The following DACH2 variants were observed in gnomAD, a reference collection of about 807,000 sequenced individuals.
DACH2 encodes the protein dachshund homolog 2.
DACH2 carries 17 observed loss-of-function variants against 35.8 expected under a neutral mutation model. That is an observed-to-expected ratio of 0.48 (90% confidence interval 0.33 to 0.71). The LOEUF is 0.71. Among genes scored for constraint, DACH2 ranks in the 30% least tolerant of loss-of-function variants. The pLI is 0.02. For missense variants in DACH2, 469 were observed against 472.7 expected, an observed-to-expected ratio of 0.99 and a Z score of 0.07; for synonymous variants, 195 against 177.3, an observed-to-expected ratio of 1.10 and a Z score of -0.79.
rs1421323187 is a variant in DACH2 at position 86,317,944 on chromosome X, G to A, written c.489-58880G>A. 2.7e-5 allele frequency among the ~76,000 whole-genome samples: 3 copies of A among 111,678 alleles called. No homozygotes were observed. The East Asian group carries it at 8.5e-4, about 32-fold the overall frequency. Reference sequence around the variant, plus strand: ...TCCCCAAGGGGCTTTTATTGGCTTTGCAAGTCAAGCTTGACTCCTTAAAGG... The same window carrying A: ...TCCCCAAGGGGCTTTTATTGGCTTTACAAGTCAAGCTTGACTCCTTAAAGG... On this transcript the variant is annotated intron_variant, in intron 1 of 11. Transcript: ENST00000373125.
intron 3 of DACH2, among the ~76,000 whole-genome samples, chrX:86,599,491 T>TTTCTTTCG (rs1556333827): frequency 2.0e-4 from 19 of 96,485 alleles, no homozygotes; most frequent in African/African-American, 7.0e-4. Context: ...TCTTTCTTTC[T>TTTCTTTCG]TTCTTTCTTT....
intron 1 of DACH2, among the ~76,000 whole-genome samples, chrX:86,316,103 T>G (rs139920073): frequency 4.6e-4 from 48 of 103,506 alleles, no homozygotes; most frequent in African/African-American, 1.6e-3. Context: ...CAGTCTGTCC[T>G]GCTCTGTGCT....
At chrX:86,638,565 T>TA (rs1276010315) in intron 3 of DACH2, among the ~76,000 whole-genome samples, 4 of 108,801 alleles carry the variant, frequency 3.7e-5, no homozygotes, top group Non-Finnish European at 5.7e-5. Context: ...CAACAACAAA[T>TA]AAAAAAAAGA....
chrX:86,326,344 G>A (rs931462828), intron 1 of DACH2, among the ~76,000 whole-genome samples: 2 of 109,631 alleles, frequency 1.8e-5, no homozygotes, highest in Non-Finnish European at 3.8e-5. Context: ...GCAGCCACCT[G>A]TAATTTCAGC....
rs761876891 is a variant in DACH2 at position 86,168,945 on chromosome X, G to C, written c.488+19837G>C. Reference sequence around the variant, plus strand: ...TAGTAGTTTACACACCACATTTACAGTGTTACAATATTCTGTGTTTTTTTG... The same window carrying C: ...TAGTAGTTTACACACCACATTTACACTGTTACAATATTCTGTGTTTTTTTG... On this transcript the variant is annotated intron_variant, in intron 1 of 11. Transcript: ENST00000373125. Among the ~76,000 whole-genome samples the C allele has an allele frequency of 7.2e-5, 8 of 111,532 alleles. No individual in the cohort carries two copies. In the Admixed American group the frequency reaches 7.6e-4, roughly 11 times the overall value.
At chrX:86,756,240 G>A (rs985250115) in intron 7 of DACH2, among the ~76,000 whole-genome samples, 2 of 111,117 alleles carry the variant, frequency 1.8e-5, no homozygotes, top group African/African-American at 3.3e-5. Context: ...GATTCCATAC[G>A]AATTTTAGAA....
At chrX:86,332,784 C>T (rs1569352842) in intron 1 of DACH2, among the ~76,000 whole-genome samples, 1 of 111,674 alleles carries the variant, frequency 9.0e-6, no homozygotes, top group East Asian at 2.8e-4. Context: ...GCTAAAATTC[C>T]ATAATTCAAG....
intron 4 of DACH2, among the ~76,000 whole-genome samples, chrX:86,685,263 C>T (rs1400529432): frequency 8.9e-6 from 1 of 111,821 alleles, no homozygotes; most frequent in East Asian, 2.8e-4. Context: ...AAGTCTAGGG[C>T]TGCCAATGGC....
At chrX:86,465,759 T>G (rs2148215817) in intron 2 of DACH2, among the ~76,000 whole-genome samples, 1 of 112,223 alleles carries the variant, frequency 8.9e-6, no homozygotes, top group South Asian at 3.7e-4. Flanking sequence ...TATAGTAGAT[T>G]ACAAATATGG....
intron 1 of DACH2, among the ~76,000 whole-genome samples, chrX:86,335,266 AT>A (rs770553774): frequency 1.9e-4 from 21 of 110,128 alleles, no homozygotes; most frequent in Middle Eastern, 4.6e-3. Context: ...AATTTAAAGT[AT>A]TTTTTTTTCT....
At chrX:86,798,841 A>G (rs1483783387) in intron 7 of DACH2, 1 of 133,796 alleles carries the variant, frequency 7.5e-6, no homozygotes, top group East Asian at 2.6e-4. Flanking sequence ...ATCATCAACG[A>G]TTATTGAGAT....
chrX:86,356,782 GCTGT>G (rs2035650610), intron 1 of DACH2, among the ~76,000 whole-genome samples: 1 of 111,345 alleles, frequency 9.0e-6, no homozygotes, highest in Non-Finnish European at 1.9e-5. Flanking sequence ...ATTTTTTCAA[GCTGT>G]CTTTTTACTT....
At chrX:86,622,945 T>C (rs2040086197) in intron 3 of DACH2, among the ~76,000 whole-genome samples, 1 of 111,727 alleles carries the variant, frequency 9.0e-6, no homozygotes, top group African/African-American at 3.2e-5. Flanking sequence ...TGTTTGTGAG[T>C]ACTATTAACA....
chrX:86,803,046 C>T (rs909817345), intron 7 of DACH2, among the ~76,000 whole-genome samples: 9 of 112,172 alleles, frequency 8.0e-5, no homozygotes, highest in African/African-American at 2.9e-4. Flanking sequence ...GGGACTTGTA[C>T]ATGCCTTTGG....
intron 2 of DACH2, among the ~76,000 whole-genome samples, chrX:86,427,014 T>C (rs569280929): frequency 2.7e-5 from 3 of 112,066 alleles, no homozygotes; most frequent in East Asian, 5.6e-4. Context: ...TACATCCTTT[T>C]TTGTCAGTTT....
Position 86,148,602 on chromosome X carries a change from C to A in DACH2, c.-19C>A, listed in dbSNP as rs1185227876. ...GAGAAAGCGAGGGCCGGAGGACCCA[C>A]GATAGAGACAGAGTGACCATGGCTG... On this transcript the variant is annotated 5_prime_UTR_variant, in exon 1 of 12. Coordinates refer to ENST00000373125, the MANE Select transcript of DACH2 (RefSeq NM_053281.3). 3 of 1,142,760 alleles carry A rather than the reference C, an allele frequency of 2.6e-6. No homozygotes were observed. Among genetic ancestry groups the A allele is most frequent in the Non-Finnish European group, 3.5e-6 (3 of 862,092 alleles). The allele number at this position is 1,142,760 out of a possible 1,213,427, so 94.2% of individuals were successfully genotyped here.
At chrX:86,405,514 A>G (rs2148137057) in intron 2 of DACH2, among the ~76,000 whole-genome samples, 1 of 111,501 alleles carries the variant, frequency 9.0e-6, no homozygotes, top group South Asian at 3.8e-4. Flanking sequence ...GCATATCACT[A>G]TCAGCATTTT....
chrX:86,423,500 C>A (rs946906920), intron 2 of DACH2, among the ~76,000 whole-genome samples: 1 of 107,181 alleles, frequency 9.3e-6, no homozygotes. Flanking sequence ...ACCTTTGGCC[C>A]TTTTTAAATC....
At chrX:86,399,384 T>G (rs1260879159) in intron 2 of DACH2, among the ~76,000 whole-genome samples, 1 of 111,962 alleles carries the variant, frequency 8.9e-6, no homozygotes, top group Non-Finnish European at 1.9e-5. Flanking sequence ...CATTTACATT[T>G]AAGGTTAGTA....
Sources: allele counts gnomAD v4.1 joint callset (sites outside exome capture counted in the v4.1 genomes callset), GRCh38; gene constraint gnomAD v4.1.1; transcripts MANE v1.5; gene names NCBI Gene and HGNC (gene_info 2026-07-23, HGNC 2026-07-21).